Variants in RBM27 observed in about 807,000 individuals in gnomAD.
RBM27 encodes the protein RNA-binding protein 27.
Under a neutral mutation model 135.3 loss-of-function variants are expected in RBM27, and 22 were observed. The observed-to-expected ratio is 0.16, with a 90% CI of 0.12 to 0.23. RBM27 has a LOEUF of 0.23. RBM27 is among the 10% of genes least tolerant of loss of function. The pLI is 1.00. For missense variants in RBM27, 1,009 were observed against 1,281.0 expected (o/e 0.79, Z 3.24); for synonymous variants, 481 against 442.4 (o/e 1.09, Z -1.10).
chr5:146,252,117 A>C (rs1050583257), intron 9 of RBM27, among the ~76,000 whole-genome samples: 23 of 152,200 alleles, frequency 1.5e-4, no homozygotes, highest in Non-Finnish European at 2.2e-4. Flanking sequence ...CTCGGTAACA[A>C]AGTGATGCTA....
intron 1 of RBM27, among the ~76,000 whole-genome samples, chr5:146,210,546 TGA>T (rs1755887636): frequency 6.6e-6 from 1 of 151,906 alleles, no homozygotes; most frequent in African/African-American, 2.4e-5. Context: ...CTTGTTACCA[TGA>T]GAGGACACAG....
chr5:146,227,138 A>G (rs1756715896), intron 3 of RBM27, among the ~76,000 whole-genome samples: 1 of 152,190 alleles, frequency 6.6e-6, no homozygotes, highest in Non-Finnish European at 1.5e-5. Flanking sequence ...CCAGGGTAAG[A>G]GAATTTGGAT....
chr5:146,234,800 G>A (rs969909023), intron 7 of RBM27, among the ~76,000 whole-genome samples: 34 of 152,026 alleles, frequency 2.2e-4, no homozygotes, highest in African/African-American at 8.0e-4. Context: ...TTGGGAGGCC[G>A]AAGTGGGTGG....
intron 8 of RBM27, among the ~76,000 whole-genome samples, chr5:146,242,506 A>G (rs1401265136): frequency 2.6e-5 from 4 of 152,230 alleles, no homozygotes; most frequent in African/African-American, 9.6e-5. Context: ...TGATTCTAAA[A>G]TTTATAGAGA....
chr5:146,228,282 CTT>C (rs1043361050), intron 3 of RBM27, among the ~76,000 whole-genome samples: 6 of 111,840 alleles, frequency 5.4e-5, no homozygotes, highest in Admixed American at 8.5e-5. Context: ...ACCATTCTTT[CTT>C]TTTTTTTTTT....
intron 3 of RBM27, among the ~76,000 whole-genome samples, chr5:146,225,671 TTC>T (rs1217532958): frequency 1.1e-4 from 17 of 151,896 alleles, no homozygotes; most frequent in Non-Finnish European, 2.5e-4. Context: ...GTTCAAGCGA[TTC>T]TCCTGCCTCA....
chr5:146,271,021 C>A lies in RBM27; in HGVS notation c.2759C>A (p.Thr920Lys), dbSNP rs201604987. 1 of 1,613,410 alleles carries A rather than the reference C, an allele frequency of 6.2e-7. No individual in the cohort carries two copies. Among genetic ancestry groups the A allele is most frequent in the African/African-American group, 1.3e-5 (1 of 74,898 alleles). ...HKRLSSGEDT[T>K]ELRKKLSQLQ... ...AGGCTGTCCTCAGGAGAAGACACCA[C>A]AGAATTACGGAAAAAACTCAGTCAG... The change falls in exon 18 of 21, where the codon ACA (threonine) becomes AAA (lysine). Residue 920 changes from threonine to lysine, a missense_variant. This residue lies in a region of RBM27 where 355 missense variants were observed against 427.3 expected (regional missense o/e 0.83). Coordinates refer to ENST00000265271, the MANE Select transcript of RBM27 (RefSeq NM_018989.2).
At chr5:146,216,528 A>C (rs1175060829) in intron 1 of RBM27, among the ~76,000 whole-genome samples, 1 of 151,872 alleles carries the variant, frequency 6.6e-6, no homozygotes, top group African/African-American at 2.4e-5. Context: ...CTTAAGATCT[A>C]CTCTCTTAGC....
intron 1 of RBM27, among the ~76,000 whole-genome samples, chr5:146,218,346 T>C (rs1048120752): frequency 2.0e-5 from 3 of 152,218 alleles, no homozygotes; most frequent in Non-Finnish European, 2.9e-5. Flanking sequence ...AGGTTATCTC[T>C]GCTGTCCTTT....
chr5:146,219,106 AATT>A lies in RBM27; in HGVS notation c.178+9_178+11del. 2 of 1,569,830 alleles carry A rather than the reference AATT, an allele frequency of 1.3e-6. No individual in the cohort carries two copies. The highest frequency in any genetic ancestry group is 1.7e-6 in the Non-Finnish European group (2 of 1,145,580). On this transcript the variant is annotated splice_donor_5th_base_variant and intron_variant, in intron 2 of 20. Transcript: ENST00000265271. ...ACTTGATGTCTTTTTACAAAAAGGT[AATT>A]ATTATGGGCCTTCAATCGAGTATTG... is the stretch of plus-strand genomic sequence containing the variant.
chr5:146,226,318 A>G (rs544732057), intron 3 of RBM27, among the ~76,000 whole-genome samples: 1 of 151,990 alleles, frequency 6.6e-6, no homozygotes, highest in Non-Finnish European at 1.5e-5. Context: ...AGTGGTTTAG[A>G]TGTATCTGTT....
chr5:146,257,625 A>T (rs180823771), intron 10 of RBM27, among the ~76,000 whole-genome samples: 1 of 152,330 alleles, frequency 6.6e-6, no homozygotes, highest in African/African-American at 2.4e-5. Context: ...TCTAAGAATA[A>T]GACAGTCCTA....
Position 146,240,695 on chromosome 5 carries a change from A to T in RBM27, c.1279+3263A>T, listed in dbSNP as rs559939983. ...TACATAATGACATATACTTATATAT[A>T]GGCCTACTGTTTGATTTTTTTTAAT... On this transcript the variant is annotated intron_variant, in intron 8 of 20. Coordinates refer to ENST00000265271, the MANE Select transcript of RBM27 (RefSeq NM_018989.2). 2.3e-4 allele frequency among the ~76,000 whole-genome samples: 35 copies of T among 152,302 alleles called. No homozygotes were observed. The South Asian group carries it at 7.2e-3, about 32-fold the overall frequency.
chr5:146,264,817 T>C (rs1170919307), intron 14 of RBM27, among the ~76,000 whole-genome samples: 2 of 152,138 alleles, frequency 1.3e-5, no homozygotes, highest in African/African-American at 2.4e-5. Flanking sequence ...TAGGAGTTTA[T>C]TATATAATAA....
chr5:146,277,323 G>A (rs1759132584), intron 19 of RBM27, among the ~76,000 whole-genome samples: 1 of 152,048 alleles, frequency 6.6e-6, no homozygotes, highest in South Asian at 2.1e-4. Context: ...TACATCCATA[G>A]TGTATCATGG....
intron 19 of RBM27, among the ~76,000 whole-genome samples, chr5:146,280,214 C>T (rs938834237): frequency 6.6e-6 from 1 of 152,014 alleles, no homozygotes; most frequent in African/African-American, 2.4e-5. Flanking sequence ...TGCACCACCG[C>T]GCCCAGCTAA....
rs368951485 is a variant in RBM27, at chr5:146,233,789, G to T, written c.1144+46G>T. 4 of 1,306,052 alleles carry T rather than the reference G, an allele frequency of 3.1e-6. No homozygotes were observed. The African/African-American group carries it at 6.0e-5, about 20-fold the overall frequency. The allele number at this position is 1,306,052 out of a possible 1,614,324, so 80.9% of individuals were successfully genotyped here. A position where few individuals can be genotyped will look rare whatever the true frequency, so the allele number is the denominator to read the frequency against. The stretch of plus-strand genomic sequence containing the variant: ...TTTTTCTCTAGCGTTCTGTTTAGAA[G>T]AACCTCATCCCTTTTAGCTAACTTG... On this transcript the variant is annotated intron_variant, in intron 7 of 20. Coordinates refer to ENST00000265271, the MANE Select transcript of RBM27 (RefSeq NM_018989.2).
In RBM27 at chr5:146,267,734, C is replaced by A. The variant is rs1402516690; in HGVS notation, c.2417C>A (p.Ser806Tyr). 6.2e-7 allele frequency: 1 copy of A among 1,606,824 alleles called. No homozygotes were observed. Among genetic ancestry groups the A allele is most frequent in the Non-Finnish European group, 8.5e-7 (1 of 1,177,214 alleles). The change falls in exon 15 of 21, where the codon TCT becomes TAT. Residue 806 changes from serine (S) to tyrosine (Y), a missense_variant. Ser to Tyr is a moderately radical substitution (Grantham distance 144). Around this residue, in one of 6 missense-constraint regions of RBM27, gnomAD observed 355 missense variants for 427.3 expected, o/e 0.83. Transcript: ENST00000265271. Reference sequence around the variant, plus strand: ...TCAAAGCTCTGTTCAGGGTCTAAATCTCATGATGTTCAAGAAGTGCTTAAA... The same window carrying A: ...TCAAAGCTCTGTTCAGGGTCTAAATATCATGATGTTCAAGAAGTGCTTAAA... ...TPSKLCSGSK[S>Y]HDVQEVLKKK...
chr5:146,218,124 G>A (rs192587108), intron 1 of RBM27, among the ~76,000 whole-genome samples: 3 of 151,324 alleles, frequency 2.0e-5, no homozygotes, highest in Non-Finnish European at 2.9e-5. Flanking sequence ...TATTCATCAG[G>A]AAGCCTAGAA....
Sources: gnomAD v4.1 joint callset for allele counts (sites outside exome capture counted in the v4.1 genomes callset) on GRCh38, gnomAD v4.1.1 for gene constraint, gnomAD v4.1.1 regional missense constraint, MANE v1.5 for transcripts, NCBI Gene and HGNC (gene_info 2026-07-23, HGNC 2026-07-21) for gene names.